Variants in SYNE2 observed in about 807,000 individuals in gnomAD.
SYNE2 encodes the protein spectrin repeat containing nuclear envelope protein 2.
Under a neutral mutation model 856.3 loss-of-function variants are expected in SYNE2, and 431 were observed. The observed-to-expected ratio is 0.50, with a 90% CI of 0.47 to 0.55. The LOEUF is 0.55. Among genes scored for constraint, SYNE2 ranks in the 20% least tolerant of loss-of-function variants. The pLI is 0.00. For missense variants in SYNE2, 8,129 were observed against 8,023.2 expected (o/e 1.01, Z -0.50); for synonymous variants, 2,923 against 2,872.3 (o/e 1.02, Z -0.56).
rs1390115746 is a variant in SYNE2, at chr14:64,130,130, A to T, written c.14222A>T (p.Asp4741Val). 5 of 1,614,202 alleles carry T rather than the reference A, an allele frequency of 3.1e-6. No individual in the cohort carries two copies. Among genetic ancestry groups the T allele is most frequent in the Non-Finnish European group, 3.4e-6 (4 of 1,180,036 alleles). ...SSPFVTESQQ[D>V]ALLQGMVELV... ...CCTTTCGTCACTGAGAGCCAGCAAG[A>T]TGCTTTGTTGCAAGGCATGGTGGAA... The change falls in exon 76 of 116, where the codon GAT becomes GTT. Residue 4741 changes from aspartate (D) to valine (V), a missense_variant. Transcript: ENST00000555002.
upstream of SYNE2, among the ~76,000 whole-genome samples, chr14:63,851,238 G>A (rs1206840634): frequency 2.6e-5 from 4 of 152,204 alleles, no homozygotes; most frequent in Non-Finnish European, 4.4e-5. Flanking sequence ...GCGGGCGCCT[G>A]TAATCCCAGC....
chr14:63,961,823 C>G (rs2096318995), intron 9 of SYNE2, among the ~76,000 whole-genome samples, 198 bp downstream of exon 9: 1 of 151,876 alleles, frequency 6.6e-6, no homozygotes, highest in African/African-American at 2.4e-5. Context: ...TTTTCTGTCT[C>G]TGCTCCCCAT....
At position 64,162,137 on chromosome 14, in the gene SYNE2, G is replaced by C. The variant is rs143555933; in HGVS notation, c.16160G>C (p.Trp5387Ser). The change falls in exon 88 of 116, where the codon TGG (tryptophan) becomes TCG (serine). Residue 5387 changes from tryptophan to serine, a missense_variant. Around this residue, in one of 3 missense-constraint regions of SYNE2, gnomAD observed 5,410 missense variants for 5,284.8 expected, o/e 1.02. Coordinates refer to ENST00000555002, the MANE Select transcript of SYNE2 (RefSeq NM_182914.3). ...LQKAQSLLQL[W>S]KAYSNAHGEA... Reference sequence around the variant, plus strand: ...AAGGCCCAGAGTCTGCTCCAGCTCTGGAAGGCCTATAGCAATGCTCATGGT... The same window carrying C: ...AAGGCCCAGAGTCTGCTCCAGCTCTCGAAGGCCTATAGCAATGCTCATGGT... 6 of 1,614,092 alleles carry C rather than the reference G, an allele frequency of 3.7e-6. No individual in the cohort carries two copies. The African/African-American group carries it at 8.0e-5, about 22-fold the overall frequency.
At chr14:63,948,160 C>CACACAGACACACACAG (rs1277789884) in intron 6 of SYNE2, among the ~76,000 whole-genome samples, 2 of 99,718 alleles carry the variant, frequency 2.0e-5, no homozygotes, top group Admixed American at 1.1e-4. Flanking sequence ...CACACAGACA[C>CACACAGACACACACAG]ACACATACAC....
Position 63,977,974 on chromosome 14 carries a change from T to C in SYNE2, c.1363T>C (p.Leu455=), listed in dbSNP as rs2096557310. 1 of 1,613,772 alleles carries C rather than the reference T, an allele frequency of 6.2e-7. No homozygotes were observed. The highest frequency in any genetic ancestry group is 1.3e-5 in the African/African-American group (1 of 74,908). The part of the protein sequence containing the change: ...LTFENKDENH[L]PLVPPNKLEE... ...CTTTGAAAATAAGGATGAAAATCAC[T>C]TGCCATTGGTACCACCTAACAAATT... The change falls in exon 13 of 116, where the codon TTG becomes CTG. Residue 455 remains leucine (L), a synonymous_variant. Transcript: ENST00000555002.
chr14:63,815,106 A>ATATATATATC (rs1888876915), intron 1 of SYNE2, among the ~76,000 whole-genome samples: 1 of 126,412 alleles, frequency 7.9e-6, no homozygotes, highest in African/African-American at 3.0e-5. Context: ...ATATATCCAC[A>ATATATATATC]CATATATCCA....
chr14:63,815,356 G>A (rs1188224126), intron 1 of SYNE2, among the ~76,000 whole-genome samples: 2 of 151,456 alleles, frequency 1.3e-5, no homozygotes, highest in Non-Finnish European at 2.9e-5. Context: ...GAGTTCCAAA[G>A]CTGAAGACCT....
intron 11 of SYNE2, among the ~76,000 whole-genome samples, chr14:63,971,749 A>G (rs1436472475): frequency 5.9e-5 from 9 of 152,080 alleles, no homozygotes; most frequent in Non-Finnish European, 1.2e-4. Flanking sequence ...CACTTACTTT[A>G]CAATACAGGG....
intron 19 of SYNE2, among the ~76,000 whole-genome samples, chr14:63,989,582 C>T (rs1026356529): frequency 5.3e-5 from 8 of 152,080 alleles, no homozygotes; most frequent in African/African-American, 1.9e-4. Flanking sequence ...AACTGATCTA[C>T]CCACCTCAGC....
rs575111023 is a variant in SYNE2 at position 64,122,051 on chromosome 14, A to G, written c.13198A>G (p.Lys4400Glu). ...LKPMEQKDFI[K>E]FIEFNAKKMW... ...ACCAATGGAACAGAAAGATTTCATC[A>G]AATTCATAGAATTTAATGCTAAGAA... Residue 4400 changes from lysine to glutamate, a missense_variant, in exon 69 of 116, where the codon AAA (lysine) becomes GAA (glutamate). Around this residue, in one of 3 missense-constraint regions of SYNE2, gnomAD observed 5,410 missense variants for 5,284.8 expected, o/e 1.02. Transcript: ENST00000555002. The G allele has an allele frequency of 3.7e-6, 6 of 1,613,994 alleles. No individual in the cohort carries two copies. In the African/African-American group the frequency reaches 6.7e-5, roughly 18 times the overall value.
chr14:64,206,149 TCTC>T (rs1470889345), intron 100 of SYNE2, among the ~76,000 whole-genome samples: 1 of 152,208 alleles, frequency 6.6e-6, no homozygotes, highest in African/African-American at 2.4e-5. Context: ...TGTCTCCCCT[TCTC>T]CTCTTGCTCT....
chr14:64,019,238 A>G (rs2096917881), intron 34 of SYNE2, among the ~76,000 whole-genome samples: 1 of 150,610 alleles, frequency 6.6e-6, no homozygotes. Context: ...GCACCACTGT[A>G]CTCCATCCTG....
chr14:63,801,638 C>T (rs1888134253), intron 1 of SYNE2, among the ~76,000 whole-genome samples: 1 of 151,898 alleles, frequency 6.6e-6, no homozygotes, highest in Non-Finnish European at 1.5e-5. Flanking sequence ...TGCGCCATTG[C>T]ACTCCAACCT....
chr14:64,030,865 T>A, intron 44 of SYNE2, 151 bp from the exon 45 acceptor site: 1 of 647,098 alleles, frequency 1.5e-6, no homozygotes, highest in Non-Finnish European at 2.7e-6. Context: ...AGCATTGGTT[T>A]AAATTTTGCC....
At chr14:64,101,112 C>A (rs1278623097) in intron 63 of SYNE2, among the ~76,000 whole-genome samples, 1 of 152,108 alleles carries the variant, frequency 6.6e-6, no homozygotes, top group African/African-American at 2.4e-5. Context: ...CTGCATTGAA[C>A]ATGGGAGTGC....
chr14:63,980,919 T>C (rs1355857610), intron 15 of SYNE2, 67 bp from the exon 16 acceptor site: 2 of 1,184,570 alleles, frequency 1.7e-6, no homozygotes, highest in African/African-American at 1.6e-5. Flanking sequence ...AATATGCAAA[T>C]ATTTTTAAAT....
intron 94 of SYNE2, among the ~76,000 whole-genome samples, chr14:64,172,982 A>G (rs1200193101): frequency 6.6e-6 from 1 of 152,024 alleles, no homozygotes; most frequent in Non-Finnish European, 1.5e-5. Context: ...CGCTGGAGGC[A>G]GTCATCTTGA....
chr14:63,822,523 T>G (rs1889263224), intron 1 of SYNE2, among the ~76,000 whole-genome samples: 1 of 152,140 alleles, frequency 6.6e-6, no homozygotes, highest in Non-Finnish European at 1.5e-5. Flanking sequence ...TGATACCAGT[T>G]AGAGCTAACA....
At chr14:63,955,720 C>T (rs1295343174) in intron 8 of SYNE2, among the ~76,000 whole-genome samples, 2 of 152,106 alleles carry the variant, frequency 1.3e-5, no homozygotes, top group Non-Finnish European at 2.9e-5. Context: ...ATAGATTTTA[C>T]TGATATTAAG....
Sources: allele counts gnomAD v4.1 joint callset (sites outside exome capture counted in the v4.1 genomes callset), GRCh38; gene constraint gnomAD v4.1.1; regional missense constraint gnomAD v4.1.1; transcripts MANE v1.5; gene names NCBI Gene and HGNC (gene_info 2026-07-23, HGNC 2026-07-21).